PARP14: variants seen among roughly 807,000 people sequenced by gnomAD.
PARP14 encodes poly(ADP-ribose) polymerase family member 14, also known as protein mono-ADP-ribosyltransferase PARP14.
Under a neutral mutation model 154.2 loss-of-function variants are expected in PARP14, and 59 were observed. The observed-to-expected ratio is 0.38, with a 90% CI of 0.31 to 0.48. The LOEUF is 0.48. Ranked by LOEUF, PARP14 falls within the 20% of genes least tolerant of loss-of-function variation. The pLI is 0.98. For missense variants in PARP14, 1,734 were observed against 2,131.6 expected (o/e 0.81, Z 3.67); for synonymous variants, 720 against 780.5 (o/e 0.92, Z 1.29).
chr3:122,697,828 C>T (rs1938827205), intron 5 of PARP14, among the ~76,000 whole-genome samples: 1 of 152,138 alleles, frequency 6.6e-6, no homozygotes. Context: ...TCCTTACAGA[C>T]AAGAAAAGCA....
At chr3:122,719,054 A>G (rs115027980) in intron 14 of PARP14, 96 bp downstream of exon 14, 50,032 of 1,207,074 alleles carry the variant, frequency 0.041, 1,138 homozygotes, top group Non-Finnish European at 0.047. Flanking sequence ...ATTGGAAAAA[A>G]TTCATGTGAC....
At chr3:122,705,157 C>T (rs1939114039) in intron 8 of PARP14, among the ~76,000 whole-genome samples, 1 of 152,112 alleles carries the variant, frequency 6.6e-6, no homozygotes, top group Non-Finnish European at 1.5e-5. Context: ...TAAACAATAA[C>T]AATTCTTTTT....
rs780710088 is a variant in PARP14, at chr3:122,703,854, T to G, written c.3194T>G (p.Val1065Gly). The G allele has an allele frequency of 6.2e-7, 1 of 1,613,968 alleles. No homozygotes were observed. The highest frequency in any genetic ancestry group is 1.7e-5 in the Admixed American group (1 of 60,014). ...GAGCTCCAGGAGGAATTGGACACAG[T>G]TGGACAAGGGGTGGCTGTCAGCATG... is the stretch of plus-strand genomic sequence containing the variant. ...GPELQEELDT[V>G]GQGVAVSMGT... The change falls in exon 7 of 17, where the codon GTT (valine) becomes GGT (glycine). Residue 1065 changes from valine (V) to glycine (G), a missense_variant. Physicochemically the swap from Val to Gly is moderately radical, Grantham distance 109. This residue lies in a region of PARP14 where 1,646 missense variants were observed against 1,976.0 expected (regional missense o/e 0.83). Transcript: ENST00000474629.
At chr3:122,724,377 C>G (rs1465309890) in intron 15 of PARP14, among the ~76,000 whole-genome samples, 1 of 151,148 alleles carries the variant, frequency 6.6e-6, no homozygotes, top group Non-Finnish European at 1.5e-5. Flanking sequence ...TAGCTTACTG[C>G]AGCTTCCAAC....
At chr3:122,685,672 G>A (rs1247538402) in intron 2 of PARP14, among the ~76,000 whole-genome samples, 1 of 152,102 alleles carries the variant, frequency 6.6e-6, no homozygotes, top group East Asian at 1.9e-4. Flanking sequence ...ACTATGCCCA[G>A]ATAATTTTTA....
chr3:122,711,778 T>G (rs1939325498), intron 9 of PARP14, among the ~76,000 whole-genome samples: 1 of 152,176 alleles, frequency 6.6e-6, no homozygotes, highest in African/African-American at 2.4e-5. Context: ...ATTGGTCTGT[T>G]CAAGGTTTCT....
chr3:122,689,957 C>T (rs1278216275), intron 3 of PARP14, among the ~76,000 whole-genome samples: 1 of 152,204 alleles, frequency 6.6e-6, no homozygotes, highest in Non-Finnish European at 1.5e-5. Flanking sequence ...AGTTGCAGCA[C>T]TCTGCCTGTG....
In PARP14 at chr3:122,730,265, AG is replaced by A. The variant is rs1455478021; in HGVS notation, c.*1670del. 6 of 152,188 alleles carry A rather than the reference AG, an allele frequency of 3.9e-5. No individual in the cohort carries two copies. The allele number at this position is 152,188 out of a possible 1,614,324, so 9.4% of individuals were successfully genotyped here. ...GCCTCTAGATTAATGCCACCGATTC[AG>A]GAACACCTCCGACAGTCTTGAAATA... On this transcript the variant is annotated 3_prime_UTR_variant, in exon 17 of 17. Coordinates refer to ENST00000474629, the MANE Select transcript of PARP14 (RefSeq NM_017554.3).
chr3:122,713,401 G>A (rs754138167), intron 9 of PARP14, 23 bp from the exon 10 acceptor site: 2 of 1,599,184 alleles, frequency 1.3e-6, no homozygotes, highest in African/African-American at 2.7e-5. Context: ...CTCGGTTATT[G>A]ACTTTACTTC....
intron 1 of PARP14, among the ~76,000 whole-genome samples, chr3:122,682,977 C>T (rs1938260765): frequency 6.6e-6 from 1 of 152,168 alleles, no homozygotes; most frequent in Non-Finnish European, 1.5e-5. Context: ...ATTGCTTGAA[C>T]CAGGGAGGCA....
chr3:122,688,763 C>T (rs1228217942), intron 3 of PARP14, among the ~76,000 whole-genome samples: 1 of 152,158 alleles, frequency 6.6e-6, no homozygotes. Context: ...GAACCACAAC[C>T]AACGCCACCA....
chr3:122,709,286 T>C (rs1039515642), intron 9 of PARP14, among the ~76,000 whole-genome samples: 2 of 152,328 alleles, frequency 1.3e-5, no homozygotes, highest in East Asian at 1.9e-4. Flanking sequence ...CTTTCACTTA[T>C]AAGTGAGAAC....
chr3:122,717,721 C>T (rs1192617169), intron 12 of PARP14, among the ~76,000 whole-genome samples: 1 of 152,150 alleles, frequency 6.6e-6, no homozygotes, highest in East Asian at 1.9e-4. Flanking sequence ...TTCAAGGACA[C>T]TAGCGAGCTA....
rs1215318971 is a variant in PARP14 at position 122,692,391 on chromosome 3, C to G, written c.446C>G (p.Ser149Cys). The G allele has an allele frequency of 6.2e-7, 1 of 1,613,746 alleles. No individual in the cohort carries two copies. The highest frequency in any genetic ancestry group is 1.7e-5 in the Admixed American group (1 of 60,016). ...CCAGAGGAATGTGAAAATATTTCCT[C>G]TTTGGTGGCATTTGAAAACCTCAAG... is the stretch of plus-strand genomic sequence containing the variant. The part of the protein sequence containing the change: ...DIPEECENIS[S>C]LVAFENLKAN... Residue 149 changes from serine (S) to cysteine (C), a missense_variant, in exon 4 of 17, where the codon TCT (serine) becomes TGT (cysteine). This residue lies in a region of PARP14 where 1,646 missense variants were observed against 1,976.0 expected (regional missense o/e 0.83). Coordinates refer to ENST00000474629, the MANE Select transcript of PARP14 (RefSeq NM_017554.3).
rs1057007399 is a variant in PARP14 at position 122,728,665 on chromosome 3, CT to C, written c.*78del. On this transcript the variant is annotated 3_prime_UTR_variant, in exon 17 of 17. Transcript: ENST00000474629. ...TATCTAGTTGTAAAACAAGTTTTAG[CT>C]TTTTTTTTTAATTCCTCTTAACAGA... The C allele has an allele frequency of 0.01, 11,402 of 1,112,516 alleles. 4 individuals are homozygous for C. Among genetic ancestry groups the C allele is most frequent in the South Asian group, 0.013 (750 of 56,956 alleles). 68.9% of individuals were successfully genotyped at this position (1,112,516 alleles called of 1,614,324 possible). A position where few individuals can be genotyped will look rare whatever the true frequency, so the allele number is the denominator to read the frequency against.
In PARP14 at chr3:122,728,227, G is replaced by T. The variant is rs544210011; in HGVS notation, c.5117-81G>T. ...AAAATTTTAAGAGAGGCTTTAGAAAGAACATTATTTAACAGATTGGGCCAA... is the reference window on the plus strand; with the variant it reads ...AAAATTTTAAGAGAGGCTTTAGAAATAACATTATTTAACAGATTGGGCCAA... On this transcript the variant is annotated intron_variant, in intron 16 of 16. Transcript: ENST00000474629. The T allele has an allele frequency of 1.4e-5, 18 of 1,278,596 alleles. No individual in the cohort carries two copies. In the African/African-American group the frequency reaches 2.5e-4, roughly 18 times the overall value. The allele number at this position is 1,278,596 out of a possible 1,614,324, so 79.2% of individuals were successfully genotyped here.
At chr3:122,718,985 C>T in intron 14 of PARP14, 27 bp downstream of exon 14, 3 of 1,519,000 alleles carry the variant, frequency 2.0e-6, no homozygotes, top group African/African-American at 2.8e-5. Flanking sequence ...TACTTGTCAT[C>T]CACTATTTCA....
At chr3:122,693,851 A>AG (rs1938663246) in intron 4 of PARP14, among the ~76,000 whole-genome samples, 1 of 148,160 alleles carries the variant, frequency 6.7e-6, no homozygotes, top group African/African-American at 2.5e-5. Context: ...TGAAAAAAAA[A>AG]AAAAGAAAAG....
chr3:122,683,483 A>G (rs1039177846), intron 1 of PARP14, among the ~76,000 whole-genome samples: 1 of 152,244 alleles, frequency 6.6e-6, no homozygotes, highest in Non-Finnish European at 1.5e-5. Context: ...GTAAATTGAC[A>G]TAACATTTTA....
Sources: allele counts gnomAD v4.1 joint callset (sites outside exome capture counted in the v4.1 genomes callset), GRCh38; gene constraint gnomAD v4.1.1; regional missense constraint gnomAD v4.1.1; transcripts MANE v1.5; gene names NCBI Gene and HGNC (gene_info 2026-07-23, HGNC 2026-07-21).